CFAP251: variants seen among roughly 807,000 people sequenced by gnomAD.
CFAP251 encodes cilia- and flagella-associated protein 251.
Under a neutral mutation model 126.7 loss-of-function variants are expected in CFAP251, and 93 were observed. That is an observed-to-expected ratio of 0.73 (90% confidence interval 0.62 to 0.87). The LOEUF is 0.87. Ranked by LOEUF, CFAP251 falls within the 40% of genes least tolerant of loss-of-function variation. The pLI, the probability that CFAP251 is intolerant of heterozygous loss-of-function variation, is 0.00. For synonymous variants in CFAP251, 503 were observed against 506.9 expected (o/e 0.99, Z 0.10); for missense variants, 1,287 against 1,389.2 (o/e 0.93, Z 1.17).
chr12:121,975,595 A>G lies in CFAP251; in HGVS notation c.2916A>G (p.Thr972=), dbSNP rs758928455. Residue 972 remains threonine, a synonymous_variant, in exon 19 of 22, where the codon ACA becomes ACG. Transcript: ENST00000288912. The part of the protein sequence containing the change: ...YSQLRSQGID[T]METRKVSEHI... ...AGCTCCGCAGTCAAGGCATCGACAC[A>G]ATGGAGACCAGAAAGGTGTCAGAAC... 11 of 1,604,912 alleles carry G rather than the reference A, an allele frequency of 6.9e-6. No individual in the cohort carries two copies. The East Asian group carries it at 2.0e-4, about 29-fold the overall frequency.
In CFAP251 at chr12:121,958,991, A is replaced by T; in HGVS notation, c.2030A>T (p.Asp677Val). ...GFTEGTVYIL[D>V]AMSLENESPE... is the part of the protein sequence containing the mutation. ...ACAGAGGGGACAGTTTACATTCTTG[A>T]TGCAATGTCTTTAGAAAATGAAAGC... Residue 677 changes from aspartate (D) to valine (V), a missense_variant, in exon 13 of 22, where the codon GAT becomes GTT. Physicochemically the swap from Asp to Val is radical, Grantham distance 152 (BLOSUM62 -3). Transcript: ENST00000288912. The T allele has an allele frequency of 1.2e-6, 2 of 1,611,744 alleles. No homozygotes were observed. The highest frequency in any genetic ancestry group is 1.7e-6 in the Non-Finnish European group (2 of 1,179,372).
At chr12:121,968,982 G>A (rs934866037) in intron 17 of CFAP251, 52 of 985,168 alleles carry the variant, frequency 5.3e-5, no homozygotes, top group Non-Finnish European at 6.0e-5. Context: ...CTGCCGCAGG[G>A]CAGAGTCAAC....
intron 10 of CFAP251, among the ~76,000 whole-genome samples, chr12:121,954,914 C>T (rs902203253): frequency 1.3e-5 from 2 of 152,166 alleles, no homozygotes; most frequent in East Asian, 3.9e-4. Context: ...ATTTTTTCTT[C>T]TGTGCTAATT....
At chr12:121,966,404 G>A (rs1264778415) in intron 15 of CFAP251, among the ~76,000 whole-genome samples, 1 of 140,746 alleles carries the variant, frequency 7.1e-6, no homozygotes, top group Non-Finnish European at 1.5e-5. Flanking sequence ...GGGACTACAG[G>A]CGCGCACCAC....
chr12:121,926,033 T>C (rs1880398002), intron 3 of CFAP251, among the ~76,000 whole-genome samples: 1 of 145,862 alleles, frequency 6.9e-6, no homozygotes. Context: ...TTTTTTTTTT[T>C]TTTTTTTTTT....
intron 3 of CFAP251, among the ~76,000 whole-genome samples, chr12:121,927,574 G>A (rs1880469561): frequency 6.6e-6 from 1 of 152,176 alleles, no homozygotes; most frequent in Admixed American, 6.5e-5. Context: ...TGGAATTTCA[G>A]GCATGAGCCA....
In CFAP251 at chr12:121,933,904, C is replaced by G. The variant is rs543397837; in HGVS notation, c.889-343C>G. 8.0e-4 allele frequency among the ~76,000 whole-genome samples: 122 copies of G among 152,252 alleles called. 1 individual carries two copies. The highest frequency in any genetic ancestry group is 3.4e-3 in the Middle Eastern group (1 of 294). ...TCAGAGCCCTGAAGTGAGCAGTGTT[C>G]TAGAGAGAAGAGGCCGGCAGCGTGA... On this transcript the variant is annotated intron_variant, in intron 4 of 21. Coordinates refer to ENST00000288912, the MANE Select transcript of CFAP251 (RefSeq NM_144668.6).
intron 15 of CFAP251, among the ~76,000 whole-genome samples, chr12:121,964,791 G>A (rs894413280): frequency 1.6e-4 from 25 of 152,196 alleles, no homozygotes; most frequent in Admixed American, 1.4e-3. Context: ...TCCCAGCTAC[G>A]TGGGAGACTG....
chr12:121,931,707 A>C (rs757669927), intron 3 of CFAP251, 39 bp from the exon 4 acceptor site: 13 of 1,481,134 alleles, frequency 8.8e-6, no homozygotes, highest in Non-Finnish European at 1.2e-5. Flanking sequence ...TGGGCTGAAC[A>C]CGCTGTAATG....
intron 5 of CFAP251, among the ~76,000 whole-genome samples, chr12:121,935,275 A>G (rs180701808): frequency 1.3e-5 from 2 of 152,164 alleles, no homozygotes; most frequent in East Asian, 3.9e-4. Flanking sequence ...TCTCTTTTTT[A>G]AATTAACAGA....
intron 2 of CFAP251, among the ~76,000 whole-genome samples, chr12:121,921,996 T>C (rs757496598): frequency 1.3e-5 from 2 of 152,072 alleles, no homozygotes; most frequent in Non-Finnish European, 2.9e-5. Context: ...GGTCTTACCA[T>C]GTTGGCCAGA....
chr12:121,979,563 C>CTTTTTTTTTTTTTTTTTT lies in CFAP251; in HGVS notation c.3006+3880_3006+3897dup, dbSNP rs71082922. 3.6e-4 allele frequency among the ~76,000 whole-genome samples: 31 copies of CTTTTTTTTTTTTTTTTTT among 84,994 alleles called. 2 individuals are homozygous for CTTTTTTTTTTTTTTTTTT. The highest frequency in any genetic ancestry group is 4.7e-4 in the Non-Finnish European group (21 of 44,398). The allele number at this position is 84,994 out of a possible 152,430, so 55.8% of individuals were successfully genotyped here. A position where few individuals can be genotyped will look rare whatever the true frequency, so the allele number is the denominator to read the frequency against. The stretch of plus-strand genomic sequence containing the variant: ...GAGATCATTAGTCAGCTTTCTTCTT[C>CTTTTTTTTTTTTTTTTTT]TTTTTTTTTTTTTTTTTTTGAGACA... On this transcript the variant is annotated intron_variant, in intron 19 of 21. Coordinates refer to ENST00000288912, the MANE Select transcript of CFAP251 (RefSeq NM_144668.6).
In CFAP251 at chr12:121,923,737, G is replaced by A; in HGVS notation, c.494G>A (p.Ser165Asn). The change falls in exon 3 of 22, where the codon AGT becomes AAT. Residue 165 changes from serine (S) to asparagine (N), a missense_variant. Ser to Asn is a conservative substitution (Grantham distance 46). Coordinates refer to ENST00000288912, the MANE Select transcript of CFAP251 (RefSeq NM_144668.6). Reference protein sequence around the residue: ...QIEFLDLDQISPEEQQISSPE... With the variant: ...QIEFLDLDQINPEEQQISSPE... ...GAATTTCTTGATTTGGATCAAATCA[G>A]TCCTGAGGAACAACAGATTAGTTCC... 6.2e-7 allele frequency: 1 copy of A among 1,614,182 alleles called. No homozygotes were observed. Among genetic ancestry groups the A allele is most frequent in the Non-Finnish European group, 8.5e-7 (1 of 1,180,032 alleles).
chr12:121,953,958 C>T (rs1437314082), intron 9 of CFAP251, 162 bp from the exon 10 acceptor site: 4 of 693,636 alleles, frequency 5.8e-6, no homozygotes, highest in Non-Finnish European at 9.5e-6. Flanking sequence ...TTCAGAACTG[C>T]CTGGACCATG....
intron 10 of CFAP251, 95 bp downstream of exon 10, chr12:121,954,429 T>A: frequency 8.7e-7 from 1 of 1,148,106 alleles, no homozygotes. Flanking sequence ...ACACCTCTAA[T>A]TTCAGTTCTT....
chr12:121,972,529 C>T (rs1484164983), intron 17 of CFAP251, among the ~76,000 whole-genome samples: 1 of 151,168 alleles, frequency 6.6e-6, no homozygotes, highest in Non-Finnish European at 1.5e-5. Context: ...ACTCTTGTCA[C>T]CCAGGCTGGA....
chr12:122,001,368 T>A (rs77420122), intron 20 of CFAP251, 129 bp from the exon 21 acceptor site: 42,669 of 897,844 alleles, frequency 0.048, 1,303 homozygotes, highest in African/African-American at 0.066. Flanking sequence ...AATTTTTTTT[T>A]CAATTGAGTA....
At chr12:121,998,488 T>TATATATA (rs1230224761) in intron 19 of CFAP251, 4 of 105,542 alleles carry the variant, frequency 3.8e-5, no homozygotes, top group African/African-American at 1.4e-4. Flanking sequence ...TATATATATA[T>TATATATA]GATTGTGTTA....
Position 122,003,790 on chromosome 12 carries a change from A to G in CFAP251, c.*26A>G, listed in dbSNP as rs760370433. 13 of 1,576,878 alleles carry G rather than the reference A, an allele frequency of 8.2e-6. No homozygotes were observed. In the South Asian group the frequency reaches 1.4e-4, roughly 17 times the overall value. On this transcript the variant is annotated 3_prime_UTR_variant, in exon 22 of 22. Coordinates refer to ENST00000288912, the MANE Select transcript of CFAP251 (RefSeq NM_144668.6). Reference sequence around the variant, plus strand: ...AGTTACCAGGAATGTTTAAAGCACAAAGGACTTTGGGTGTGTGTGCATGCA... The same window carrying G: ...AGTTACCAGGAATGTTTAAAGCACAGAGGACTTTGGGTGTGTGTGCATGCA...
Sources: gnomAD v4.1 joint callset for allele counts (sites outside exome capture counted in the v4.1 genomes callset) on GRCh38, gnomAD v4.1.1 for gene constraint, MANE v1.5 for transcripts, NCBI Gene and HGNC (gene_info 2026-07-23, HGNC 2026-07-21) for gene names.